GDAP1: variants seen among roughly 807,000 people sequenced by gnomAD.
GDAP1 encodes ganglioside induced differentiation associated protein 1.
Under a neutral mutation model 40.1 loss-of-function variants are expected in GDAP1, and 34 were observed. The observed-to-expected ratio is 0.85, with a 90% confidence interval of 0.64 to 1.13. The LOEUF is 1.13. GDAP1 is among the 50% of genes most tolerant of loss of function. The pLI, the probability that GDAP1 is intolerant of heterozygous loss-of-function variation, is 0.00. For missense variants in GDAP1, 374 were observed against 433.7 expected (o/e 0.86, Z 1.22); for synonymous variants, 170 against 157.4 (o/e 1.08, Z -0.60).
intron 5 of GDAP1, among the ~76,000 whole-genome samples, chr8:74,363,322 T>C (rs1809465282): frequency 6.6e-6 from 1 of 152,240 alleles, no homozygotes; most frequent in African/African-American, 2.4e-5. Flanking sequence ...GTAATTACAG[T>C]AGTTAGTTTG....
rs562944775 is a variant in GDAP1 at position 74,373,349 on chromosome 8, G to A, written c.165+22028G>A. On this transcript the variant is annotated intron_variant, in intron 2 of 2. Transcript: ENST00000523640. ...TTGAATCTATAAATTACCTTGGGCA[G>A]TGTGGCCATTTTCACGATATTGATT... 1.0e-3 allele frequency among the ~76,000 whole-genome samples: 153 copies of A among 152,338 alleles called. No homozygotes were observed. The Middle Eastern group carries it at 0.01, about 10-fold the overall frequency.
chr8:74,431,699 T>G (rs921429078), intron 2 of GDAP1, among the ~76,000 whole-genome samples: 1 of 152,040 alleles, frequency 6.6e-6, no homozygotes, highest in Non-Finnish European at 1.5e-5. Flanking sequence ...GCCAGGATGG[T>G]CTCGATCTCC....
At chr8:74,477,674 G>C (rs993548028) in intron 2 of GDAP1, among the ~76,000 whole-genome samples, 24 of 152,080 alleles carry the variant, frequency 1.6e-4, no homozygotes, top group African/African-American at 5.6e-4. Flanking sequence ...AGGGGCCCAG[G>C]TACTCCCAGA....
chr8:74,460,090 C>T (rs1164638619), intron 2 of GDAP1, among the ~76,000 whole-genome samples: 1 of 152,036 alleles, frequency 6.6e-6, no homozygotes, highest in African/African-American at 2.4e-5. Context: ...AGATACTATC[C>T]AATAATTTGG....
intron 2 of GDAP1, among the ~76,000 whole-genome samples, chr8:74,484,417 A>G (rs181982046): frequency 6.6e-6 from 1 of 152,206 alleles, no homozygotes; most frequent in Non-Finnish European, 1.5e-5. Context: ...GCATTCCATT[A>G]TGTATTCATT....
chr8:74,418,861 A>G (rs930353988), intron 2 of GDAP1, among the ~76,000 whole-genome samples: 7 of 122,038 alleles, frequency 5.7e-5, no homozygotes, highest in Non-Finnish European at 1.2e-4. Flanking sequence ...AATTAAAAAA[A>G]TAGACAAAAG....
At position 74,372,605 on chromosome 8, in the gene GDAP1, T is replaced by G. The variant is rs1238955763; in HGVS notation, c.165+21284T>G. Among the ~76,000 whole-genome samples, 5 of 152,228 alleles carry G rather than the reference T, an allele frequency of 3.3e-5. No individual in the cohort carries two copies. The South Asian group carries it at 1.0e-3, about 31-fold the overall frequency. The stretch of plus-strand genomic sequence containing the variant: ...TCTGTTCATATCCTTCGCCCACTTT[T>G]TGATGGGGTTTGATTTTTTCTTGTA... On this transcript the variant is annotated intron_variant, in intron 2 of 2. Transcript: ENST00000523640.
intron 2 of GDAP1, among the ~76,000 whole-genome samples, chr8:74,471,723 C>T (rs142782513): frequency 9.9e-5 from 15 of 152,204 alleles, no homozygotes; most frequent in South Asian, 4.2e-4. Context: ...TTGTCACTGT[C>T]GGTCAGTTTA....
chr8:74,361,273 G>A (rs1450540724), intron 3 of GDAP1, among the ~76,000 whole-genome samples: 1 of 152,204 alleles, frequency 6.6e-6, no homozygotes, highest in Non-Finnish European at 1.5e-5. Flanking sequence ...ATTATAGAAA[G>A]CTTGAAAGGT....
intron 2 of GDAP1, among the ~76,000 whole-genome samples, chr8:74,474,586 G>T (rs933036439): frequency 6.6e-6 from 1 of 152,136 alleles, no homozygotes; most frequent in African/African-American, 2.4e-5. Flanking sequence ...TTTATATGAT[G>T]AATCACATTA....
In GDAP1 at chr8:74,430,145, A is replaced by T. The variant is rs572036696; in HGVS notation, c.166-58533A>T. Among the ~76,000 whole-genome samples, 42 of 152,350 alleles carry T rather than the reference A, an allele frequency of 2.8e-4. 1 individual carries two copies. The South Asian group carries it at 7.3e-3, about 26-fold the overall frequency. ...TTAAATACAACGAATACCATTTCTC[A>T]ACTATTAGATGGGTAAATGGTTCAA... On this transcript the variant is annotated intron_variant, in intron 2 of 2. Coordinates refer to the GDAP1 transcript ENST00000523640.
At chr8:74,451,451 G>A (rs1261564713) in intron 2 of GDAP1, among the ~76,000 whole-genome samples, 25 of 47,380 alleles carry the variant, frequency 5.3e-4, no homozygotes, top group East Asian at 5.8e-4. Flanking sequence ...CCCTGTCTCA[G>A]AAAAAAAAAA....
chr8:74,411,262 A>G lies in GDAP1; in HGVS notation c.165+59941A>G, dbSNP rs147048794. Among the ~76,000 whole-genome samples the G allele has an allele frequency of 8.7e-5, 13 of 150,002 alleles. 1 individual carries two copies. Among genetic ancestry groups the G allele is most frequent in the African/African-American group, 3.3e-4 (13 of 39,354 alleles). Reference sequence around the variant, plus strand: ...TATAGCAGTGTGAAAACAGACTAATACAGCATACTTTATTACAACTCCTAT... The same window carrying G: ...TATAGCAGTGTGAAAACAGACTAATGCAGCATACTTTATTACAACTCCTAT... On this transcript the variant is annotated intron_variant, in intron 2 of 2. Transcript: ENST00000523640.
chr8:74,440,327 A>T (rs1192648905), intron 2 of GDAP1, among the ~76,000 whole-genome samples: 1 of 152,168 alleles, frequency 6.6e-6, no homozygotes, highest in Non-Finnish European at 1.5e-5. Context: ...TTTTAATAGA[A>T]GCTCTTTTAA....
intron 2 of GDAP1, among the ~76,000 whole-genome samples, chr8:74,410,590 G>C (rs1287426663): frequency 6.7e-6 from 1 of 150,190 alleles, no homozygotes; most frequent in Non-Finnish European, 1.5e-5. Context: ...AAGTATAGTA[G>C]TTCTTTGTAT....
rs1478914184 is a variant in GDAP1 at position 74,361,904 on chromosome 8, T to G, written c.505T>G (p.Ser169Ala). The G allele has an allele frequency of 6.2e-7, 1 of 1,602,186 alleles. No individual in the cohort carries two copies. Among genetic ancestry groups the G allele is most frequent in the Admixed American group, 1.7e-5 (1 of 59,998 alleles). The part of the protein sequence containing the change: ...RIRSQIGNTE[S>A]ELKKLAEENP... The stretch of plus-strand genomic sequence containing the variant: ...ATCAGGCCAAATTGGAAACACAGAG[T>G]CTGAGCTGAAGAAACTTGCTGAAGA... The change falls in exon 4 of 6, where the codon TCT becomes GCT. Residue 169 changes from serine to alanine, a missense_variant. Coordinates refer to ENST00000220822, the MANE Select transcript of GDAP1 (RefSeq NM_018972.4).
intron 2 of GDAP1, among the ~76,000 whole-genome samples, chr8:74,401,991 A>G (rs1044228194): frequency 2.7e-5 from 4 of 150,160 alleles, no homozygotes; most frequent in Admixed American, 6.6e-5. Context: ...TAGGCTGCTC[A>G]GGGGTCAGGG....
In GDAP1 at chr8:74,400,645, C is replaced by T. The variant is rs1586822497; in HGVS notation, c.165+49324C>T. Reference sequence around the variant, plus strand: ...GTTAGTTGATGCAGTTTCTTCCTAGCCTTGATGGTCTTTACAATTTGGCAT... The same window carrying T: ...GTTAGTTGATGCAGTTTCTTCCTAGTCTTGATGGTCTTTACAATTTGGCAT... On this transcript the variant is annotated intron_variant, in intron 2 of 2. Coordinates refer to the GDAP1 transcript ENST00000523640. Among the ~76,000 whole-genome samples the T allele has an allele frequency of 5.3e-5, 8 of 149,914 alleles. 1 individual carries two copies. In the East Asian group the frequency reaches 1.5e-3, roughly 29 times the overall value.
rs564459060 is a variant in GDAP1, at chr8:74,399,770, A to G, written c.165+48449A>G. 3.5e-3 allele frequency among the ~76,000 whole-genome samples: 434 copies of G among 123,576 alleles called. 17 individuals are homozygous for G. The highest frequency in any genetic ancestry group is 0.015 in the Middle Eastern group (4 of 264). 81.1% of individuals were successfully genotyped at this position (123,576 alleles called of 152,430 possible). A position where few individuals can be genotyped will look rare whatever the true frequency, so the allele number is the denominator to read the frequency against. On this transcript the variant is annotated intron_variant, in intron 2 of 2. Coordinates refer to the GDAP1 transcript ENST00000523640. Reference sequence around the variant, plus strand: ...TTGTGTCTTTGTTCTCGTTGGTTTCAAAGAACATCTTTATTTCTGCCTTCA... The same window carrying G: ...TTGTGTCTTTGTTCTCGTTGGTTTCGAAGAACATCTTTATTTCTGCCTTCA...
Sources: gnomAD v4.1 joint callset for allele counts (sites outside exome capture counted in the v4.1 genomes callset) on GRCh38, gnomAD v4.1.1 for gene constraint, MANE v1.5 for transcripts, NCBI Gene and HGNC (gene_info 2026-07-23, HGNC 2026-07-21) for gene names.